ASL: variants seen among roughly 807,000 people sequenced by gnomAD.
ASL encodes argininosuccinase.
In ASL, 51 loss-of-function variants were observed where a neutral mutation model predicts 69.1. That is an observed-to-expected ratio of 0.74 (90% CI 0.59 to 0.93). ASL has a LOEUF of 0.93. ASL is among the 40% of genes least tolerant of loss of function. The pLI, the probability that ASL is intolerant of heterozygous loss-of-function variation, is 0.00. For synonymous variants in ASL, 241 were observed against 247.6 expected (o/e 0.97, Z 0.25); for missense variants, 540 against 623.9 (o/e 0.87, Z 1.43).
intron 2 of ASL, among the ~76,000 whole-genome samples, chr7:66,076,676 A>G (rs1019307766): frequency 1.3e-5 from 2 of 152,088 alleles, no homozygotes; most frequent in Admixed American, 1.3e-4. Flanking sequence ...CCTCCTGACC[A>G]CTGAGATGCT....
chr7:66,084,389 T>G (rs1459847975), intron 6 of ASL, among the ~76,000 whole-genome samples: 1 of 152,030 alleles, frequency 6.6e-6, no homozygotes. Flanking sequence ...CTTGAACTCC[T>G]GAGCTCAGGT....
rs1470984058 is a variant in ASL at position 66,086,792 on chromosome 7, G to C, written c.573G>C (p.Arg191=). The change falls in exon 8 of 17, where the codon CGG becomes CGC. Residue 191 remains arginine, a synonymous_variant. Transcript: ENST00000304874. Reference sequence around the variant, plus strand: ...ACTCTGAGCGGCTGCTGGAGGTGCGGAAGCGGATCAATGTCCTGCCCCTGG... The same window carrying C: ...ACTCTGAGCGGCTGCTGGAGGTGCGCAAGCGGATCAATGTCCTGCCCCTGG... ...TRDSERLLEV[R]KRINVLPLGS... 2 of 1,590,030 alleles carry C rather than the reference G, an allele frequency of 1.3e-6. No individual in the cohort carries two copies. Among genetic ancestry groups the C allele is most frequent in the Non-Finnish European group, 1.7e-6 (2 of 1,168,830 alleles).
At chr7:66,083,205 A>G (rs1231446051) in intron 6 of ASL, 31 bp downstream of exon 6, 1 of 1,607,986 alleles carries the variant, frequency 6.2e-7, no homozygotes, top group Non-Finnish European at 8.5e-7. Context: ...CAGGGGGCAG[A>G]CAGAGGTGTG....
At chr7:66,082,122 CAA>C in intron 3 of ASL, 125 bp downstream of exon 3, 1 of 1,246,888 alleles carries the variant, frequency 8.0e-7, no homozygotes, top group Admixed American at 2.0e-5. Context: ...ATTATATACT[CAA>C]GTGCTGTTTA....
intron 2 of ASL, among the ~76,000 whole-genome samples, chr7:66,076,417 C>T (rs925240014): frequency 5.3e-5 from 8 of 152,228 alleles, no homozygotes; most frequent in Non-Finnish European, 1.0e-4. Context: ...AGCCTTCCAA[C>T]TCTTCCTTCC....
intron 15 of ASL, 25 bp downstream of exon 15, chr7:66,092,111 G>A: frequency 1.2e-6 from 2 of 1,607,274 alleles, no homozygotes; most frequent in East Asian, 4.5e-5. Flanking sequence ...GCCAGGGGGA[G>A]GGTGAGGAGA....
In ASL at chr7:66,087,243, C is replaced by CGTGTGTGTGT. The variant is rs60055215; in HGVS notation, c.603-60_603-51dup. ...GGACTTGGTTCTCTGTGTGTGCGTT[C>CGTGTGTGTGT]GTGTGTGTGTGTGTGTGTGTGTGTG... On this transcript the variant is annotated intron_variant, in intron 8 of 16. Coordinates refer to ENST00000304874, the MANE Select transcript of ASL (RefSeq NM_000048.4). The CGTGTGTGTGT allele has an allele frequency of 2.5e-4, 240 of 976,774 alleles. 1 individual carries two copies. In the East Asian group the frequency reaches 3.5e-3, roughly 14 times the overall value. 60.5% of individuals were successfully genotyped at this position (976,774 alleles called of 1,614,324 possible).
chr7:66,084,748 T>C (rs1427782923), intron 6 of ASL, among the ~76,000 whole-genome samples: 1 of 152,046 alleles, frequency 6.6e-6, no homozygotes, highest in Non-Finnish European at 1.5e-5. Context: ...GCCTCCCGAG[T>C]AGCTGGGAGT....
intron 2 of ASL, among the ~76,000 whole-genome samples, chr7:66,080,266 G>T (rs940297089): frequency 1.3e-5 from 2 of 150,614 alleles, no homozygotes; most frequent in African/African-American, 4.9e-5. Flanking sequence ...GGCACCTGTA[G>T]TCCCAGCTAC....
At position 66,075,841 on chromosome 7, in the gene ASL, G is replaced by A; in HGVS notation, c.-59G>A. 1.9e-6 allele frequency: 1 copy of A among 523,476 alleles called. No individual in the cohort carries two copies. Among genetic ancestry groups the A allele is most frequent in the South Asian group, 2.3e-5 (1 of 44,340 alleles). The allele number at this position is 523,476 out of a possible 1,614,324, so 32.4% of individuals were successfully genotyped here. A position where few individuals can be genotyped will look rare whatever the true frequency, so the allele number is the denominator to read the frequency against. ...GCCAGTGGCGGGCGCGACACTATCC[G>A]TGCGGCCAGGCGGAGGTGAGTGCGC... On this transcript the variant is annotated 5_prime_UTR_variant, in exon 1 of 17. It adds an upstream start codon to the 5' untranslated region. Transcript: ENST00000304874.
intron 14 of ASL, among the ~76,000 whole-genome samples, chr7:66,091,513 T>G (rs1364171198): frequency 6.6e-6 from 1 of 152,160 alleles, no homozygotes; most frequent in African/African-American, 2.4e-5. Context: ...AGAGCCAGGA[T>G]TGTGCCATTG....
intron 2 of ASL, 139 bp downstream of exon 2, chr7:66,076,232 C>T (rs1362956937): frequency 2.6e-6 from 3 of 1,143,868 alleles, no homozygotes; most frequent in Admixed American, 4.3e-5. Flanking sequence ...CCTGCACCCC[C>T]AGCCCTCCCG....
rs1396231593 is a variant in ASL at position 66,083,004 on chromosome 7, G to A, written c.348+68G>A. The A allele has an allele frequency of 1.9e-6, 3 of 1,611,184 alleles. No individual in the cohort carries two copies. The East Asian group carries it at 6.7e-5, about 36-fold the overall frequency. ...TTGAGGAGCCCAGGGGGCAGTTAGA[G>A]TTCTGCAGCGGTCCTGGCTCCTCAG... is the stretch of plus-strand genomic sequence containing the variant. On this transcript the variant is annotated intron_variant, in intron 5 of 16. Transcript: ENST00000304874.
In ASL at chr7:66,079,407, G is replaced by C. The variant is rs116779466; in HGVS notation, c.13-2396G>C. On this transcript the variant is annotated intron_variant, in intron 2 of 16. Transcript: ENST00000304874. Reference sequence around the variant, plus strand: ...CCTGGGCACTAGGGCTGCTCCCCAGGTGTTCTGTACCCCCTCCCCACTCTG... The same window carrying C: ...CCTGGGCACTAGGGCTGCTCCCCAGCTGTTCTGTACCCCCTCCCCACTCTG... 3.8e-3 allele frequency among the ~76,000 whole-genome samples: 578 copies of C among 152,130 alleles called. 7 individuals carry two copies. Among genetic ancestry groups the C allele is most frequent in the African/African-American group, 0.012 (494 of 41,506 alleles).
chr7:66,087,494 C>G, intron 9 of ASL, 108 bp downstream of exon 9: 1 of 1,384,290 alleles, frequency 7.2e-7, no homozygotes, highest in Non-Finnish European at 1.0e-6. Context: ...CCTGGTGAAA[C>G]CTTCATTCAT....
intron 12 of ASL, 47 bp from the exon 13 acceptor site, chr7:66,089,227 AGG>A (rs769307500): frequency 6.2e-7 from 1 of 1,611,276 alleles, no homozygotes; most frequent in African/African-American, 1.3e-5. Context: ...GTGGGTGGCC[AGG>A]GGGGCAGGAT....
At chr7:66,092,189 C>A in intron 15 of ASL, 103 bp downstream of exon 15, 1 of 1,359,354 alleles carries the variant, frequency 7.4e-7, no homozygotes, top group Non-Finnish European at 1.0e-6. Flanking sequence ...TGGTGGCTCA[C>A]CCCTGTAATC....
At chr7:66,091,872 G>T in intron 14 of ASL, 134 bp from the exon 15 acceptor site, 1 of 846,104 alleles carries the variant, frequency 1.2e-6, no homozygotes, top group Non-Finnish European at 2.0e-6. Flanking sequence ...CAAGTTGAGA[G>T]TGAGACAGAG....
chr7:66,089,219 G>A, intron 12 of ASL, 44 bp downstream of exon 12: 2 of 1,612,322 alleles, frequency 1.2e-6, no homozygotes, highest in Admixed American at 1.7e-5. Flanking sequence ...GGCTGATGGT[G>A]GGTGGCCAGG....
Sources: gnomAD v4.1 joint callset for allele counts (sites outside exome capture counted in the v4.1 genomes callset) on GRCh38, gnomAD v4.1.1 for gene constraint, MANE v1.5 for transcripts, NCBI Gene and HGNC (gene_info 2026-07-23, HGNC 2026-07-21) for gene names.